The following AFAP1 variants were observed in gnomAD, a reference collection of about 807,000 sequenced individuals.
The protein encoded by AFAP1 is actin filament associated protein 1, also known as actin filament-associated protein 1.
Under a neutral mutation model 93.9 loss-of-function variants are expected in AFAP1, and 75 were observed. That is an observed-to-expected ratio of 0.80 (90% CI 0.66 to 0.97). AFAP1 has a LOEUF of 0.97. Ranked by LOEUF, AFAP1 falls within the 50% of genes least tolerant of loss-of-function variation. The pLI is 0.00. For missense variants in AFAP1, 1,201 were observed against 1,050.8 expected (o/e 1.14, Z -1.98); for synonymous variants, 517 against 430.7 (o/e 1.20, Z -2.48).
At position 7,779,533 on chromosome 4, in the gene AFAP1, T is replaced by C. The variant is rs559105491; in HGVS notation, c.1783-657A>G. ...TGCTGAAGTGACCTTATGTGCAGCT[T>C]AGCTGTGTAATTAATTCAGCATGAC... On this transcript the variant is annotated intron_variant, in intron 13 of 17. Transcript: ENST00000420658. 3.3e-5 allele frequency among the ~76,000 whole-genome samples: 5 copies of C among 152,340 alleles called. No homozygotes were observed. The South Asian group carries it at 1.0e-3, about 32-fold the overall frequency.
chr4:7,816,737 G>C (rs4074746), intron 7 of AFAP1, among the ~76,000 whole-genome samples: 21,873 of 152,246 alleles, frequency 0.14, 1,809 homozygotes, highest in East Asian at 0.25. Context: ...TGGGGTCATA[G>C]CGGAGGGAGT....
intron 8 of AFAP1, among the ~76,000 whole-genome samples, chr4:7,811,393 G>A (rs885261): frequency 0.21 from 31,430 of 151,254 alleles, 4,249 homozygotes; most frequent in Non-Finnish European, 0.31. Context: ...ACAAGACGAC[G>A]CGCCCTGGCC....
At chr4:7,897,922 C>A (rs1718884930) in intron 1 of AFAP1, among the ~76,000 whole-genome samples, 1 of 152,184 alleles carries the variant, frequency 6.6e-6, no homozygotes, top group Admixed American at 6.5e-5. Flanking sequence ...CCACTCCTCC[C>A]ATAGTCTTCC....
intron 5 of AFAP1, 193 bp downstream of exon 5, chr4:7,842,946 A>C (rs1162919105): frequency 1.7e-6 from 1 of 593,664 alleles, no homozygotes. Context: ...CCTTGAACAC[A>C]CAACACGGGC....
intron 15 of AFAP1, chr4:7,774,094 G>A: frequency 6.6e-6 from 1 of 152,596 alleles, no homozygotes; most frequent in Non-Finnish European, 1.5e-5. Context: ...GGTAAGCGGT[G>A]CCACCCCAGG....
chr4:7,919,552 A>G (rs1442715783), intron 1 of AFAP1, among the ~76,000 whole-genome samples: 4 of 152,220 alleles, frequency 2.6e-5, no homozygotes, highest in Admixed American at 6.5e-5. Flanking sequence ...CCCTAAGAAC[A>G]ATAAACAAGC....
intron 7 of AFAP1, among the ~76,000 whole-genome samples, chr4:7,816,631 C>A (rs906657013): frequency 6.6e-6 from 1 of 152,158 alleles, no homozygotes; most frequent in Admixed American, 6.5e-5. Flanking sequence ...TCAGTCCTAA[C>A]GTCTGGATTT....
intron 9 of AFAP1, among the ~76,000 whole-genome samples, chr4:7,805,730 G>A (rs1200513344): frequency 2.0e-5 from 3 of 152,184 alleles, no homozygotes; most frequent in Non-Finnish European, 4.4e-5. Flanking sequence ...AGCTCTGCAC[G>A]GTGCTGTGGA....
chr4:7,765,814 C>T (rs1714477287), intron 17 of AFAP1, among the ~76,000 whole-genome samples: 1 of 152,170 alleles, frequency 6.6e-6, no homozygotes, highest in Non-Finnish European at 1.5e-5. Flanking sequence ...CTCTCTGAGC[C>T]ATGGTACAAC....
At chr4:7,925,622 G>A (rs1720684732) in intron 1 of AFAP1, among the ~76,000 whole-genome samples, 4 of 152,128 alleles carry the variant, frequency 2.6e-5, no homozygotes, top group African/African-American at 7.2e-5. Flanking sequence ...CGAGTCAGGC[G>A]GATTACCTGA....
intron 1 of AFAP1, among the ~76,000 whole-genome samples, chr4:7,876,458 G>A (rs1388225747): frequency 3.3e-5 from 5 of 152,196 alleles, no homozygotes; most frequent in Non-Finnish European, 5.9e-5. Context: ...AACAGGATTC[G>A]GTTGGGATGG....
In AFAP1 at chr4:7,866,021, C is replaced by T. The variant is rs549120053; in HGVS notation, c.225+2601G>A. Among the ~76,000 whole-genome samples, 73 of 152,296 alleles carry T rather than the reference C, an allele frequency of 4.8e-4. 1 individual carries two copies. The highest frequency in any genetic ancestry group is 1.7e-3 in the African/African-American group (71 of 41,566). On this transcript the variant is annotated intron_variant, in intron 3 of 17. Transcript: ENST00000420658. ...AAGCGATTCTCCTGCCTCAGCCTCC[C>T]AAGTAGCTGGGACTACGGGCACCCA...
Position 7,939,548 on chromosome 4 carries a change from C to A in AFAP1, c.-3+108G>T. On this transcript the variant is annotated intron_variant, in intron 1 of 17. Transcript: ENST00000420658. This position sits in a 1 kb window ranked among gnomAD's most constrained non-coding sequence, Gnocchi z 5.6. ...GTACCACCCGAGGCCGAGACAAAGC[C>A]CAGGCGCACGGACCCCGGACCCTGC... 1 of 372,688 alleles carries A rather than the reference C, an allele frequency of 2.7e-6. No individual in the cohort carries two copies. Among genetic ancestry groups the A allele is most frequent in the Non-Finnish European group, 5.3e-6 (1 of 190,294 alleles). The allele number at this position is 372,688 out of a possible 1,614,324, so 23.1% of individuals were successfully genotyped here.
intron 10 of AFAP1, among the ~76,000 whole-genome samples, chr4:7,798,169 T>C (rs1249490335): frequency 9.1e-6 from 1 of 109,698 alleles, no homozygotes; most frequent in African/African-American, 3.4e-5. Flanking sequence ...GCAACTCTAC[T>C]GGCTGGCTCA....
intron 11 of AFAP1, among the ~76,000 whole-genome samples, chr4:7,786,765 C>T (rs763403162): frequency 2.6e-4 from 40 of 152,232 alleles, no homozygotes; most frequent in Admixed American, 1.3e-3. Flanking sequence ...TTTATTGGAA[C>T]ACATGCCTCT....
intron 14 of AFAP1, chr4:7,777,423 C>A (rs552024327): frequency 6.6e-6 from 1 of 152,228 alleles, no homozygotes; most frequent in Non-Finnish European, 1.5e-5. Context: ...CCTGGCCCTG[C>A]GGAGCGATTT....
At position 7,809,767 on chromosome 4, in the gene AFAP1, T is replaced by A; in HGVS notation, c.905-4A>T. The A allele has an allele frequency of 3.1e-6, 5 of 1,610,818 alleles. No individual in the cohort carries two copies. The highest frequency in any genetic ancestry group is 4.2e-6 in the Non-Finnish European group (5 of 1,179,116). On this transcript the variant is annotated splice_polypyrimidine_tract_variant and splice_region_variant and intron_variant, in intron 8 of 17. Coordinates refer to ENST00000420658, the MANE Select transcript of AFAP1 (RefSeq NM_001134647.2). The stretch of plus-strand genomic sequence containing the variant: ...TTGGAACTTTTCTTCCTCTTCACTG[T>A]CAAGAGTAACAACAGCAAAAAAGCA...
rs71647622 is a variant in AFAP1, at chr4:7,796,749, C to CAAA, written c.1267-2926_1267-2924dup. On this transcript the variant is annotated intron_variant, in intron 10 of 17. Transcript: ENST00000420658. ...CTGGGCAACAGAGTGAGACTTGTCTCAAAAAAAAAAAAACAAAAAAAAACT... is the reference window on the plus strand; with the variant it reads ...CTGGGCAACAGAGTGAGACTTGTCTCAAAAAAAAAAAAAAAACAAAAAAAAACT... 1.8e-3 allele frequency among the ~76,000 whole-genome samples: 175 copies of CAAA among 96,672 alleles called. 1 individual carries two copies. Among genetic ancestry groups the CAAA allele is most frequent in the African/African-American group, 8.1e-3 (170 of 20,992 alleles). The allele number at this position is 96,672 out of a possible 152,430, so 63.4% of individuals were successfully genotyped here.
At chr4:7,842,904 G>A (rs918156395) in intron 5 of AFAP1, 50 of 513,210 alleles carry the variant, frequency 9.7e-5, no homozygotes, top group African/African-American at 3.3e-4. Context: ...GATTTTGTTC[G>A]CTGGCTGCTT....
Sources: allele counts gnomAD v4.1 joint callset (sites outside exome capture counted in the v4.1 genomes callset), GRCh38; gene constraint gnomAD v4.1.1; non-coding constraint Gnocchi (gnomAD v3.1); transcripts MANE v1.5; gene names NCBI Gene and HGNC (gene_info 2026-07-23, HGNC 2026-07-21).